Variants in PPARGC1A observed in about 807,000 individuals in gnomAD.
PPARGC1A encodes peroxisome proliferator-activated receptor gamma coactivator 1-alpha.
PPARGC1A carries 25 observed loss-of-function variants against 88.7 expected under a neutral mutation model. That is an observed-to-expected ratio of 0.28 (90% CI 0.21 to 0.39). The LOEUF (loss-of-function observed/expected upper bound fraction) is 0.39, where lower values mean the gene tolerates loss of function less well. Among genes scored for constraint, PPARGC1A ranks in the 10% least tolerant of loss-of-function variants. The pLI, the probability that PPARGC1A is intolerant of heterozygous loss-of-function variation, is 1.00. For synonymous variants in PPARGC1A, 363 were observed against 355.6 expected (o/e 1.02, Z -0.24); for missense variants, 880 against 968.7 (o/e 0.91, Z 1.22).
At chr4:24,048,679 A>C in the PPARGC1A span, among the ~76,000 whole-genome samples, 1 of 152,240 alleles carries the variant, frequency 6.6e-6, no homozygotes, top group South Asian at 2.1e-4. Context: ...AACTGTCTCT[A>C]CCCAACCTGA....
the PPARGC1A span, among the ~76,000 whole-genome samples, chr4:23,962,944 C>A: frequency 4.6e-5 from 7 of 152,144 alleles, no homozygotes; most frequent in African/African-American, 1.7e-4. Flanking sequence ...CACCTTTTTT[C>A]TCAGCACAAC....
the PPARGC1A span, among the ~76,000 whole-genome samples, chr4:24,097,134 T>C: frequency 6.6e-6 from 1 of 152,138 alleles, no homozygotes; most frequent in South Asian, 2.1e-4. Context: ...GACCGCATTG[T>C]AAGAATCGAG....
At chr4:24,436,632 T>G in the PPARGC1A span, among the ~76,000 whole-genome samples, 101 of 70,272 alleles carry the variant, frequency 1.4e-3, no homozygotes, top group East Asian at 3.6e-3. Context: ...CCGGGTCACA[T>G]TGCTGACATC....
chr4:24,162,192 A>G, the PPARGC1A span, among the ~76,000 whole-genome samples: 1 of 152,126 alleles, frequency 6.6e-6, no homozygotes, highest in African/African-American at 2.4e-5. Context: ...AGAATGATAC[A>G]ATGGACTTTG....
chr4:24,186,728 C>T, the PPARGC1A span, among the ~76,000 whole-genome samples: 1 of 151,766 alleles, frequency 6.6e-6, no homozygotes, highest in Admixed American at 6.6e-5. Context: ...TTCTGGGGCA[C>T]GATGGCTCTT....
chr4:24,434,725 C>T, the PPARGC1A span, among the ~76,000 whole-genome samples: 1 of 152,136 alleles, frequency 6.6e-6, no homozygotes, highest in East Asian at 1.9e-4. Flanking sequence ...CGCAGATTGC[C>T]CCTCGATGCA....
chr4:24,259,976 T>C, the PPARGC1A span, among the ~76,000 whole-genome samples: 1 of 152,208 alleles, frequency 6.6e-6, no homozygotes, highest in Non-Finnish European at 1.5e-5. Context: ...ACCTGGCTTC[T>C]TGGCCAGCTC....
the PPARGC1A span, among the ~76,000 whole-genome samples, chr4:24,382,718 C>T: frequency 6.6e-6 from 1 of 152,154 alleles, no homozygotes; most frequent in African/African-American, 2.4e-5. Context: ...ATACTTTTTT[C>T]CAAAGGCAGC....
At chr4:24,411,894 C>T in the PPARGC1A span, among the ~76,000 whole-genome samples, 5 of 152,306 alleles carry the variant, frequency 3.3e-5, no homozygotes, top group East Asian at 5.8e-4. Flanking sequence ...CTGGATATAT[C>T]ACAGTTTATC....
At chr4:24,429,772 C>T in the PPARGC1A span, among the ~76,000 whole-genome samples, 1 of 151,734 alleles carries the variant, frequency 6.6e-6, no homozygotes, top group South Asian at 2.1e-4. Flanking sequence ...CTGCCTCAGC[C>T]TCCCAAGTAG....
intron 2 of PPARGC1A, among the ~76,000 whole-genome samples, chr4:23,851,451 T>G (rs1263458877): frequency 5.9e-5 from 9 of 152,166 alleles, no homozygotes; most frequent in Admixed American, 5.9e-4. Context: ...GGAAATGCAG[T>G]CGATTTCATA....
chr4:24,290,508 G>A, the PPARGC1A span, among the ~76,000 whole-genome samples: 4 of 152,004 alleles, frequency 2.6e-5, 1 homozygote, highest in South Asian at 8.3e-4. Context: ...TATCTCACTG[G>A]GTTGTCAAAA....
the PPARGC1A span, among the ~76,000 whole-genome samples, chr4:23,969,536 A>G: frequency 1.3e-5 from 2 of 152,302 alleles, no homozygotes; most frequent in African/African-American, 4.8e-5. Flanking sequence ...CCAAACATGA[A>G]CGTTCTCAGT....
chr4:23,990,797 T>C, the PPARGC1A span, among the ~76,000 whole-genome samples: 1 of 152,062 alleles, frequency 6.6e-6, no homozygotes, highest in African/African-American at 2.4e-5. Flanking sequence ...CCATTTGTAA[T>C]CAGTTCTTTT....
the PPARGC1A span, among the ~76,000 whole-genome samples, chr4:24,371,001 A>G: frequency 6.7e-6 from 1 of 150,344 alleles, no homozygotes; most frequent in Non-Finnish European, 1.5e-5. Flanking sequence ...TCATTGTTCA[A>G]CTCCCACTTA....
the PPARGC1A span, among the ~76,000 whole-genome samples, chr4:23,987,128 T>C: frequency 6.6e-6 from 1 of 152,000 alleles, no homozygotes; most frequent in Non-Finnish European, 1.5e-5. Context: ...CTTATAGTAG[T>C]CCATGTGGCA....
chr4:23,988,396 C>T, the PPARGC1A span, among the ~76,000 whole-genome samples: 2 of 152,024 alleles, frequency 1.3e-5, no homozygotes, highest in East Asian at 1.9e-4. Context: ...AATTACACTC[C>T]CATCAACAGT....
the PPARGC1A span, among the ~76,000 whole-genome samples, chr4:24,103,595 C>CAAAAAAAA: frequency 9.9e-5 from 12 of 121,572 alleles, 1 homozygote; most frequent in African/African-American, 3.5e-4. Flanking sequence ...TGCCTTCTTC[C>CAAAAAAAA]AAAAAAAAAA....
intron 7 of PPARGC1A, among the ~76,000 whole-genome samples, chr4:23,819,674 A>G (rs191331598): frequency 6.6e-6 from 1 of 152,312 alleles, no homozygotes; most frequent in East Asian, 1.9e-4. Context: ...AATTGTCATT[A>G]TAGACACTGG....
Sources: gnomAD v4.1 joint callset for allele counts (sites outside exome capture counted in the v4.1 genomes callset) on GRCh38, gnomAD v4.1.1 for gene constraint, MANE v1.5 for transcripts, NCBI Gene and HGNC (gene_info 2026-07-23, HGNC 2026-07-21) for gene names.